ERCC6: variants seen among roughly 807,000 people sequenced by gnomAD.
ERCC6 encodes ERCC excision repair 6, chromatin remodeling factor.
A neutral mutation model predicts 158.7 loss-of-function variants in ERCC6; 116 were observed. That is an observed-to-expected ratio of 0.73 (90% CI 0.63 to 0.85). The LOEUF is 0.85. Among genes scored for constraint, ERCC6 ranks in the 40% least tolerant of loss-of-function variants. The pLI, the probability that ERCC6 is intolerant of heterozygous loss-of-function variation, is 0.00. For missense variants in ERCC6, 1,698 were observed against 1,799.4 expected, an observed-to-expected ratio of 0.94 and a Z score of 1.02; for synonymous variants, 678 against 659.3, an observed-to-expected ratio of 1.03 and a Z score of -0.43.
chr10:49,453,561 G>A (rs1850444264), downstream of ERCC6, among the ~76,000 whole-genome samples: 1 of 152,138 alleles, frequency 6.6e-6, no homozygotes, highest in African/African-American at 2.4e-5. Context: ...CAGTTAAGAG[G>A]AGAAAAATAT....
Position 49,456,494 on chromosome 10 carries a change from T to C in ERCC6, c.*2321A>G, listed in dbSNP as rs990252325. 7 of 152,214 alleles carry C rather than the reference T, an allele frequency of 4.6e-5. No homozygotes were observed. The highest frequency in any genetic ancestry group is 1.7e-4 in the African/African-American group (7 of 41,452). 9.4% of individuals were successfully genotyped at this position (152,214 alleles called of 1,614,324 possible). A position where few individuals can be genotyped will look rare whatever the true frequency, so the allele number is the denominator to read the frequency against. ...AAGGAAGAATGGGAAAATGACATTA[T>C]AGCAGCAGTCTGTGTCATGTGATTC... On this transcript the variant is annotated 3_prime_UTR_variant, in exon 21 of 21. Coordinates refer to ENST00000355832, the MANE Select transcript of ERCC6 (RefSeq NM_000124.4).
Position 49,459,948 on chromosome 10 carries a change from G to A in ERCC6, c.4062+425C>T, listed in dbSNP as rs1486284861. 3 of 261,704 alleles carry A rather than the reference G, an allele frequency of 1.1e-5. 1 individual carries two copies. The highest frequency in any genetic ancestry group is 2.0e-4 in the East Asian group (2 of 10,206). 16.2% of individuals were successfully genotyped at this position (261,704 alleles called of 1,614,324 possible). A position where few individuals can be genotyped will look rare whatever the true frequency, so the allele number is the denominator to read the frequency against. The stretch of plus-strand genomic sequence containing the variant: ...TTAACCACAGTAGCACTCAAGGCAA[G>A]CAGGGCATTCTTGAGCAGAGAAAGA... On this transcript the variant is annotated intron_variant, in intron 20 of 20. Transcript: ENST00000355832.
intron 18 of ERCC6, among the ~76,000 whole-genome samples, chr10:49,468,862 CA>C (rs1210143093): frequency 6.6e-6 from 1 of 151,968 alleles, no homozygotes; most frequent in African/African-American, 2.4e-5. Flanking sequence ...AGGAGGTGCT[CA>C]AAGAATGGTG....
the ERCC6 span, among the ~76,000 whole-genome samples, chr10:49,447,059 T>A: frequency 6.6e-6 from 1 of 151,840 alleles, no homozygotes; most frequent in African/African-American, 2.4e-5. Flanking sequence ...AGAGTGAAAC[T>A]GCAGAACACC....
intron 9 of ERCC6, 87 bp downstream of exon 9, chr10:49,483,259 A>G (rs564651198): frequency 8.8e-6 from 12 of 1,360,824 alleles, no homozygotes; most frequent in Middle Eastern, 3.6e-4. Flanking sequence ...GAAAGATTCA[A>G]TAAATGTGTT....
At chr10:49,440,276 T>G in the ERCC6 span, among the ~76,000 whole-genome samples, 2 of 152,148 alleles carry the variant, frequency 1.3e-5, no homozygotes, top group African/African-American at 4.8e-5. Flanking sequence ...GAAAGGCACT[T>G]CTTACATGGT....
intron 12 of ERCC6, 41 bp from the exon 13 acceptor site, chr10:49,474,283 T>G: frequency 1.3e-6 from 2 of 1,520,600 alleles, no homozygotes; most frequent in Non-Finnish European, 1.8e-6. Flanking sequence ...GATGACCCCA[T>G]GTAAAGTAAG....
intron 19 of ERCC6, 24 bp from the exon 20 acceptor site, chr10:49,460,475 T>C: frequency 6.6e-7 from 1 of 1,508,198 alleles, no homozygotes; most frequent in Non-Finnish European, 9.2e-7. Context: ...AGCATCACAG[T>C]AGATTAAATG....
chr10:49,521,580 C>A (rs1173418188), intron 5 of ERCC6, among the ~76,000 whole-genome samples: 1 of 152,184 alleles, frequency 6.6e-6, no homozygotes, highest in East Asian at 1.9e-4. Context: ...TACCACTGAC[C>A]ATAGAACCGA....
chr10:49,464,180 C>T (rs3940160), intron 18 of ERCC6, among the ~76,000 whole-genome samples: 101,970 of 152,078 alleles, frequency 0.67, 34,675 homozygotes, highest in East Asian at 0.95. Flanking sequence ...TGGTCTCAGA[C>T]GGAGATGAGG....
chr10:49,496,223 TCTTC>T (rs1267193165), intron 7 of ERCC6, among the ~76,000 whole-genome samples: 1 of 152,194 alleles, frequency 6.6e-6, no homozygotes, highest in African/African-American at 2.4e-5. Context: ...AGTTAACGAC[TCTTC>T]CTTAGTGCAC....
chr10:49,446,012 C>T, the ERCC6 span, among the ~76,000 whole-genome samples: 1 of 152,082 alleles, frequency 6.6e-6, no homozygotes, highest in Non-Finnish European at 1.5e-5. Context: ...TATCTCACCC[C>T]ACCTCTACAC....
At chr10:49,439,152 G>A in the ERCC6 span, among the ~76,000 whole-genome samples, 2 of 152,224 alleles carry the variant, frequency 1.3e-5, no homozygotes, top group East Asian at 1.9e-4. Context: ...CTGCCTGGGG[G>A]CCCTGACTCC....
intron 20 of ERCC6, among the ~76,000 whole-genome samples, chr10:49,459,737 T>C (rs1157886863): frequency 6.6e-6 from 1 of 152,164 alleles, no homozygotes; most frequent in Non-Finnish European, 1.5e-5. Context: ...AACACAAATC[T>C]AACTCTGAAA....
At chr10:49,538,396 T>C (rs184047796) in intron 1 of ERCC6, among the ~76,000 whole-genome samples, 1 of 152,240 alleles carries the variant, frequency 6.6e-6, no homozygotes, top group Non-Finnish European at 1.5e-5. Flanking sequence ...AGAGACCACC[T>C]GGACAACTGT....
In ERCC6 at chr10:49,454,470, T is replaced by A. The variant is rs1850454816; in HGVS notation, c.*4345A>T. Among the ~76,000 whole-genome samples the A allele has an allele frequency of 6.6e-6, 1 of 152,168 alleles. No homozygotes were observed. The highest frequency in any genetic ancestry group is 1.5e-5 in the Non-Finnish European group (1 of 68,026). On this transcript the variant is annotated 3_prime_UTR_variant, in exon 21 of 21. Transcript: ENST00000355832. ...GTCTGACTCACTGTTCTTACCAAGA[T>A]TTGGATTTTCTTGAATAAGCGTTAC...
At position 49,524,773 on chromosome 10, in the gene ERCC6, C is replaced by T. The variant is rs761303700; in HGVS notation, c.657G>A (p.Pro219=). 10 of 1,601,388 alleles carry T rather than the reference C, an allele frequency of 6.2e-6. No homozygotes were observed. Among genetic ancestry groups the T allele is most frequent in the South Asian group, 3.3e-5 (3 of 91,080 alleles). ...GCATGCTGCCAAGACTGGATGGCCCCGGCTCTGAAAGAACAATAGCAATGC... is the reference window on the plus strand; with the variant it reads ...GCATGCTGCCAAGACTGGATGGCCCTGGCTCTGAAAGAACAATAGCAATGC... The part of the protein sequence containing the change: ...DHASLEEDAE[P]GPSSLGSMLM... The change falls in exon 5 of 21, where the codon CCG becomes CCA. Residue 219 remains proline, a synonymous_variant. Transcript: ENST00000355832.
At position 49,458,807 on chromosome 10, in the gene ERCC6, A is replaced by T. The variant is rs143045817; in HGVS notation, c.*8T>A. 65 of 1,614,038 alleles carry T rather than the reference A, an allele frequency of 4.0e-5. No individual in the cohort carries two copies. The East Asian group carries it at 1.4e-3, about 35-fold the overall frequency. ...AAAGGGACTTGAAAGTTTAGGAAGC[A>T]ATGTTGTTTAGCAGTATTCTGGCTT... On this transcript the variant is annotated 3_prime_UTR_variant, in exon 21 of 21. Transcript: ENST00000355832.
At position 49,493,230 on chromosome 10, in the gene ERCC6, C is replaced by T. The variant is rs1851207734; in HGVS notation, c.1708G>A (p.Val570Ile). The T allele has an allele frequency of 6.2e-7, 1 of 1,614,030 alleles. No individual in the cohort carries two copies. Among genetic ancestry groups the T allele is most frequent in the Non-Finnish European group, 8.5e-7 (1 of 1,180,016 alleles). ...NYRFEGLGPT[V>I]IVCPTTVMHQ... ...ATCACTGTTGTTGGACAGACAATTACAGTTGGACCCAACCCCTCAAACCTG... is the reference window on the plus strand; with the variant it reads ...ATCACTGTTGTTGGACAGACAATTATAGTTGGACCCAACCCCTCAAACCTG... Residue 570 changes from valine (V) to isoleucine (I), a missense_variant, in exon 8 of 21, where the codon GTA becomes ATA. Coordinates refer to ENST00000355832, the MANE Select transcript of ERCC6 (RefSeq NM_000124.4).
Sources: allele counts gnomAD v4.1 joint callset (sites outside exome capture counted in the v4.1 genomes callset), GRCh38; gene constraint gnomAD v4.1.1; transcripts MANE v1.5; gene names NCBI Gene and HGNC (gene_info 2026-07-23, HGNC 2026-07-21).